The following AASDH variants were observed in gnomAD, a reference collection of about 807,000 sequenced individuals.
AASDH encodes the protein beta-alanine-activating enzyme.
A neutral mutation model predicts 102.3 loss-of-function variants in AASDH; 81 were observed. That is an observed-to-expected ratio of 0.79 (90% CI 0.66 to 0.95). AASDH has a LOEUF of 0.95. AASDH is among the 40% of genes least tolerant of loss of function. The probability of loss-of-function intolerance (pLI) is 0.00; values close to 1 mark genes in which losing one functional copy is unlikely to be tolerated. For synonymous variants in AASDH, 398 were observed against 454.0 expected, an observed-to-expected ratio of 0.88 and a Z score of 1.57; for missense variants, 1,203 against 1,266.2, an observed-to-expected ratio of 0.95 and a Z score of 0.76.
At chr4:56,356,883 C>T in intron 5 of AASDH, 1 of 965,540 alleles carries the variant, frequency 1.0e-6, no homozygotes, top group Non-Finnish European at 1.6e-6. Context: ...CTCGCATCGC[C>T]AAGCTCGAAA....
At chr4:56,363,496 CA>C (rs1280241098) in intron 5 of AASDH, among the ~76,000 whole-genome samples, 1 of 152,224 alleles carries the variant, frequency 6.6e-6, no homozygotes, top group Non-Finnish European at 1.5e-5. Context: ...TGACACTTCA[CA>C]CGGCTGGGTA....
At chr4:56,345,024 C>A in intron 12 of AASDH, 103 bp downstream of exon 12, 1 of 1,288,864 alleles carries the variant, frequency 7.8e-7, no homozygotes, top group Non-Finnish European at 1.1e-6. Flanking sequence ...TCACTGCAAC[C>A]TCCACCTCCC....
intron 3 of AASDH, among the ~76,000 whole-genome samples, chr4:56,380,691 T>C (rs1752849066): frequency 6.6e-6 from 1 of 152,246 alleles, no homozygotes; most frequent in Non-Finnish European, 1.5e-5. Context: ...TATATGCTAA[T>C]GCCCTCCCAA....
intron 5 of AASDH, among the ~76,000 whole-genome samples, chr4:56,369,605 A>G (rs1751452490): frequency 1.3e-5 from 2 of 152,300 alleles, no homozygotes; most frequent in South Asian, 2.1e-4. Context: ...TACCCTGGAT[A>G]AAAATCTGAT....
chr4:56,354,938 C>T, intron 6 of AASDH, 127 bp from the exon 7 acceptor site: 1 of 858,896 alleles, frequency 1.2e-6, no homozygotes, highest in Non-Finnish European at 1.7e-6. Flanking sequence ...CAAAGACTGA[C>T]AAGAGGAAAA....
intron 2 of AASDH, 129 bp from the exon 3 acceptor site, chr4:56,382,726 T>G: frequency 9.6e-7 from 1 of 1,043,612 alleles, no homozygotes; most frequent in South Asian, 1.6e-5. Context: ...AGCACTTTAT[T>G]GCTGATCAGA....
intron 5 of AASDH, chr4:56,356,332 A>T: frequency 1.9e-6 from 3 of 1,543,528 alleles, no homozygotes; most frequent in Non-Finnish European, 2.7e-6. Context: ...AGCGGCAGAG[A>T]GCCATCCCTC....
At chr4:56,356,875 C>A in intron 5 of AASDH, 2 of 964,928 alleles carry the variant, frequency 2.1e-6, no homozygotes, top group Admixed American at 3.5e-5. Flanking sequence ...GTCTGTGGCT[C>A]GCATCGCCAA....
chr4:56,349,861 C>T lies in AASDH; in HGVS notation c.1890G>A (p.Val630=), dbSNP rs1229498861. Residue 630 remains valine, a synonymous_variant, in exon 11 of 15, where the codon GTG becomes GTA. Transcript: ENST00000205214. ...TGAATGTCACATCTTCATCTGGAAC[C>T]ACTGTTTGAAGGATGTGATTATAAA... ...LEIYNHILQT[V]VPDEDVTFRK... 2 of 1,614,110 alleles carry T rather than the reference C, an allele frequency of 1.2e-6. No individual in the cohort carries two copies. The highest frequency in any genetic ancestry group is 1.7e-5 in the Admixed American group (1 of 60,018).
Position 56,384,271 on chromosome 4 carries a change from G to A in AASDH, c.29C>T (p.Ala10Val). The A allele has an allele frequency of 6.2e-7, 1 of 1,614,062 alleles. No individual in the cohort carries two copies. The highest frequency in any genetic ancestry group is 1.1e-5 in the South Asian group (1 of 91,080). ...TACTCTGTCCATATAACAGGAGGCA[G>A]CCTTATGCACCAATTCCTGAAGAGT... MTLQELVHK[A>V]ASCYMDRVAV... Residue 10 changes from alanine to valine, a missense_variant, in exon 2 of 15, where the codon GCT becomes GTT. By Grantham distance (64) the Ala-to-Val change is moderately conservative. Transcript: ENST00000205214.
intron 5 of AASDH, among the ~76,000 whole-genome samples, chr4:56,360,083 G>T (rs1366171202): frequency 6.6e-6 from 1 of 152,176 alleles, no homozygotes; most frequent in Non-Finnish European, 1.5e-5. Flanking sequence ...ATCCCAGTAG[G>T]TACTTACTGT....
At chr4:56,348,162 A>G (rs1030691287) in intron 11 of AASDH, among the ~76,000 whole-genome samples, 6 of 152,066 alleles carry the variant, frequency 3.9e-5, no homozygotes, top group African/African-American at 1.4e-4. Context: ...AAAAAAAGAA[A>G]AAAAAAAAAA....
At chr4:56,353,330 G>A in intron 9 of AASDH, 74 bp downstream of exon 9, 7 of 1,206,994 alleles carry the variant, frequency 5.8e-6, no homozygotes, top group Non-Finnish European at 8.0e-6. Context: ...AAAGATTTAT[G>A]TTATCATTAA....
chr4:56,377,544 T>A (rs573585458), intron 4 of AASDH, among the ~76,000 whole-genome samples: 1 of 152,214 alleles, frequency 6.6e-6, no homozygotes, highest in Admixed American at 6.5e-5. Flanking sequence ...ATAACTCTGC[T>A]AGTACCTCTG....
intron 12 of AASDH, 102 bp downstream of exon 12, chr4:56,345,025 T>A: frequency 5.8e-6 from 7 of 1,198,178 alleles, no homozygotes; most frequent in Non-Finnish European, 5.7e-6. Flanking sequence ...CACTGCAACC[T>A]CCACCTCCCA....
intron 5 of AASDH, among the ~76,000 whole-genome samples, chr4:56,357,226 A>AC (rs1187549049): frequency 3.3e-5 from 5 of 152,170 alleles, no homozygotes; most frequent in Non-Finnish European, 5.9e-5. Flanking sequence ...GGTTCTGGAG[A>AC]TGGGGAAGTC....
intron 9 of AASDH, among the ~76,000 whole-genome samples, chr4:56,352,471 G>A (rs1396922432): frequency 6.6e-6 from 1 of 152,114 alleles, no homozygotes; most frequent in African/African-American, 2.4e-5. Flanking sequence ...TCGGCTTACT[G>A]CAACCTCTGC....
chr4:56,368,635 C>G (rs1180060706), intron 5 of AASDH, among the ~76,000 whole-genome samples: 1 of 147,446 alleles, frequency 6.8e-6, no homozygotes, highest in African/African-American at 2.5e-5. Context: ...AACCAAACAC[C>G]GCATGTTCTC....
chr4:56,374,247 C>T (rs866777532), intron 4 of AASDH, among the ~76,000 whole-genome samples: 1 of 151,208 alleles, frequency 6.6e-6, no homozygotes, highest in African/African-American at 2.4e-5. Context: ...GGCATAGTGG[C>T]GTGCACCTAT....
Sources: gnomAD v4.1 joint callset for allele counts (sites outside exome capture counted in the v4.1 genomes callset) on GRCh38, gnomAD v4.1.1 for gene constraint, MANE v1.5 for transcripts, NCBI Gene and HGNC (gene_info 2026-07-23, HGNC 2026-07-21) for gene names.